Variants in PRR5L observed in about 807,000 individuals in gnomAD.
The protein encoded by PRR5L is proline-rich protein 5-like.
PRR5L carries 21 observed loss-of-function variants against 36.4 expected under a neutral mutation model. The ratio of observed to expected loss-of-function variants is 0.58; its 90% CI spans 0.41 to 0.83. The LOEUF is 0.83. Ranked by LOEUF, PRR5L falls within the 40% of genes least tolerant of loss-of-function variation. The pLI is 0.00. For missense variants in PRR5L, 381 were observed against 473.3 expected, an observed-to-expected ratio of 0.80 and a Z score of 1.81; for synonymous variants, 188 against 197.0, an observed-to-expected ratio of 0.95 and a Z score of 0.38.
At chr11:36,433,618 C>T (rs1427784242) in intron 5 of PRR5L, among the ~76,000 whole-genome samples, 4 of 152,146 alleles carry the variant, frequency 2.6e-5, no homozygotes, top group Middle Eastern at 3.2e-3. Flanking sequence ...GGCATGATTT[C>T]GTCTCACTGC....
intron 5 of PRR5L, among the ~76,000 whole-genome samples, chr11:36,432,328 G>C (rs1858517753): frequency 6.6e-6 from 1 of 152,158 alleles, no homozygotes; most frequent in African/African-American, 2.4e-5. Flanking sequence ...TCATAGAAGA[G>C]AGGAGTCCTG....
At chr11:36,338,911 G>A (rs1471376759) in intron 1 of PRR5L, among the ~76,000 whole-genome samples, 6 of 152,136 alleles carry the variant, frequency 3.9e-5, no homozygotes, top group African/African-American at 1.2e-4. Context: ...AGGTAACTGA[G>A]TCACGGGGGC....
At chr11:36,317,261 C>T (rs1008403688) in intron 1 of PRR5L, among the ~76,000 whole-genome samples, 5 of 152,224 alleles carry the variant, frequency 3.3e-5, no homozygotes, top group African/African-American at 1.2e-4. Flanking sequence ...CGTCTTAACA[C>T]TGACTGGGGT....
intron 8 of PRR5L, among the ~76,000 whole-genome samples, chr11:36,458,964 AG>A (rs1763576397): frequency 6.6e-6 from 1 of 152,220 alleles, no homozygotes; most frequent in African/African-American, 2.4e-5. Context: ...AGGCAGAGAC[AG>A]GTGAAATGGT....
At chr11:36,427,650 T>G (rs1458424767) in intron 4 of PRR5L, among the ~76,000 whole-genome samples, 3 of 152,126 alleles carry the variant, frequency 2.0e-5, no homozygotes, top group Non-Finnish European at 4.4e-5. Flanking sequence ...TTCAACCCAT[T>G]TGAGCAGGCT....
chr11:36,463,310 G>C lies in PRR5L; in HGVS notation c.*574G>C, dbSNP rs1055726898. The C allele has an allele frequency of 6.6e-6, 1 of 152,260 alleles. No individual in the cohort carries two copies. The highest frequency in any genetic ancestry group is 2.4e-5 in the African/African-American group (1 of 41,450). The allele number at this position is 152,260 out of a possible 1,614,324, so 9.4% of individuals were successfully genotyped here. A position where few individuals can be genotyped will look rare whatever the true frequency, so the allele number is the denominator to read the frequency against. ...TTTTAGTTTCAGAATTGCTGGGAAAGTTACCCCACTGGTGGGTGAGGATCT... is the reference window on the plus strand; with the variant it reads ...TTTTAGTTTCAGAATTGCTGGGAAACTTACCCCACTGGTGGGTGAGGATCT... On this transcript the variant is annotated 3_prime_UTR_variant, in exon 9 of 9. Transcript: ENST00000530639.
At chr11:36,332,705 C>T (rs1481139990) in intron 1 of PRR5L, among the ~76,000 whole-genome samples, 3 of 152,064 alleles carry the variant, frequency 2.0e-5, no homozygotes, top group Non-Finnish European at 2.9e-5. Flanking sequence ...TGAGTTCTCA[C>T]TCTATTAGTT....
intron 1 of PRR5L, among the ~76,000 whole-genome samples, chr11:36,368,402 G>A (rs887235410): frequency 5.3e-5 from 8 of 152,168 alleles, no homozygotes; most frequent in African/African-American, 1.9e-4. Flanking sequence ...GTCCAGTCAT[G>A]CCATGAGTGT....
intron 3 of PRR5L, among the ~76,000 whole-genome samples, chr11:36,412,701 A>G (rs1858051166): frequency 1.3e-5 from 2 of 150,806 alleles, no homozygotes; most frequent in African/African-American, 5.0e-5. Flanking sequence ...GAATTGTCCC[A>G]TTGTGATTTT....
At chr11:36,434,629 T>C (rs1409722296) in intron 5 of PRR5L, among the ~76,000 whole-genome samples, 1 of 152,202 alleles carries the variant, frequency 6.6e-6, no homozygotes, top group African/African-American at 2.4e-5. Flanking sequence ...TCTGGTGACC[T>C]AAACTGCTGC....
intron 4 of PRR5L, among the ~76,000 whole-genome samples, chr11:36,429,135 G>A (rs1189546575): frequency 6.8e-6 from 1 of 146,140 alleles, no homozygotes; most frequent in Non-Finnish European, 1.5e-5. Context: ...ATGATTTGAG[G>A]TTTATTCCAT....
rs191943430 is a variant in PRR5L, at chr11:36,461,303, T to C, written c.713-1039T>C. On this transcript the variant is annotated intron_variant, in intron 8 of 8. Coordinates refer to ENST00000530639, the MANE Select transcript of PRR5L (RefSeq NM_001160167.2). ...GATAAAATGTCTAGGTTTAGCACAG[T>C]TTTTGGAACATGATGAGAATTCAAA... Among the ~76,000 whole-genome samples the C allele has an allele frequency of 9.3e-3, 1,410 of 152,278 alleles. 18 individuals carry two copies. Among genetic ancestry groups the C allele is most frequent in the African/African-American group, 0.032 (1,321 of 41,538 alleles).
Position 36,401,214 on chromosome 11 carries a change from G to A in PRR5L, c.93G>A (p.Val31=), listed in dbSNP as rs752347347. 4.3e-6 allele frequency: 7 copies of A among 1,613,838 alleles called. No individual in the cohort carries two copies. Among genetic ancestry groups the A allele is most frequent in the Non-Finnish European group, 5.9e-6 (7 of 1,179,982 alleles). The part of the protein sequence containing the change: ...RPRPRFMSSP[V]LSDLPRFQAA... Reference sequence around the variant, plus strand: ...GACCGCGCTTCATGAGCTCCCCCGTGCTCAGCGACCTTCCCCGATTCCAAG... The same window carrying A: ...GACCGCGCTTCATGAGCTCCCCCGTACTCAGCGACCTTCCCCGATTCCAAG... Residue 31 remains valine, a synonymous_variant, in exon 2 of 9, where the codon GTG becomes GTA. Coordinates refer to ENST00000530639, the MANE Select transcript of PRR5L (RefSeq NM_001160167.2).
At chr11:36,395,804 C>T (rs1053304322) in intron 1 of PRR5L, among the ~76,000 whole-genome samples, 1 of 152,086 alleles carries the variant, frequency 6.6e-6, no homozygotes, top group Admixed American at 6.5e-5. Context: ...TCACTGTAAC[C>T]TTGAACTCCT....
intron 1 of PRR5L, among the ~76,000 whole-genome samples, chr11:36,302,141 T>C (rs754135916): frequency 3.9e-5 from 6 of 152,150 alleles, no homozygotes; most frequent in Non-Finnish European, 5.9e-5. Flanking sequence ...AGCAAGCGCA[T>C]TGATGGGAGG....
intron 1 of PRR5L, among the ~76,000 whole-genome samples, chr11:36,309,855 T>C (rs1023720652): frequency 2.2e-5 from 3 of 138,976 alleles, no homozygotes; most frequent in Non-Finnish European, 4.8e-5. Flanking sequence ...CACAGTCACT[T>C]TTACAGTTCT....
chr11:36,452,267 T>G (rs570621228), intron 8 of PRR5L, among the ~76,000 whole-genome samples: 15 of 152,222 alleles, frequency 9.9e-5, no homozygotes, highest in Admixed American at 7.8e-4. Context: ...GAGGCAGAAA[T>G]GGATTACTCA....
intron 1 of PRR5L, among the ~76,000 whole-genome samples, chr11:36,349,209 G>T (rs570044529): frequency 2.1e-4 from 32 of 150,566 alleles, no homozygotes; most frequent in Admixed American, 2.1e-3. Flanking sequence ...GCTTGAACCC[G>T]CGAGGCGGAG....
Position 36,377,245 on chromosome 11 carries a change from A to G in PRR5L, c.-125-23752A>G, listed in dbSNP as rs1053936326. 6.6e-6 allele frequency among the ~76,000 whole-genome samples: 1 copy of G among 152,140 alleles called. No homozygotes were observed. Among genetic ancestry groups the G allele is most frequent in the Non-Finnish European group, 1.5e-5 (1 of 68,020 alleles). Reference sequence around the variant, plus strand: ...GCCACTTTGTCCCGTGCGCTGCTGCACGCGCGCGCTCTGCGGACTAGGGTG... The same window carrying G: ...GCCACTTTGTCCCGTGCGCTGCTGCGCGCGCGCGCTCTGCGGACTAGGGTG... On this transcript the variant is annotated intron_variant, in intron 1 of 8. Transcript: ENST00000530639. The surrounding 1 kb of genome is among the most constrained non-coding windows in gnomAD (Gnocchi z 5.1).
Sources: allele counts gnomAD v4.1 joint callset (sites outside exome capture counted in the v4.1 genomes callset), GRCh38; gene constraint gnomAD v4.1.1; non-coding constraint Gnocchi (gnomAD v3.1); transcripts MANE v1.5; gene names NCBI Gene and HGNC (gene_info 2026-07-23, HGNC 2026-07-21).